Variants in FNDC3B observed in about 807,000 individuals in gnomAD.
FNDC3B encodes the protein fibronectin type III domain containing 3B, also known as fibronectin type III domain-containing protein 3B.
A neutral mutation model predicts 151.5 loss-of-function variants in FNDC3B; 12 were observed. The observed-to-expected ratio is 0.08, with a 90% CI of 0.05 to 0.13. The LOEUF (loss-of-function observed/expected upper bound fraction) is 0.13. Ranked by LOEUF, FNDC3B falls within the 10% of genes least tolerant of loss-of-function variation. FNDC3B has a pLI of 1.00. For missense variants in FNDC3B, 1,214 were observed against 1,505.3 expected (o/e 0.81, Z 3.20); for synonymous variants, 528 against 549.0 (o/e 0.96, Z 0.54).
Position 172,247,790 on chromosome 3 carries a change from C to T in FNDC3B, c.508+14C>T, listed in dbSNP as rs561576644. On this transcript the variant is annotated intron_variant, in intron 5 of 25. Transcript: ENST00000415807. ...ATGGTGAGCAAGGTGAGTAGATTTTCGTTGGCGTCAGGAGCCGTTGAAACT... is the reference window on the plus strand; with the variant it reads ...ATGGTGAGCAAGGTGAGTAGATTTTTGTTGGCGTCAGGAGCCGTTGAAACT... 9.3e-6 allele frequency: 15 copies of T among 1,613,914 alleles called. No individual in the cohort carries two copies. The highest frequency in any genetic ancestry group is 6.7e-5 in the East Asian group (3 of 44,874).
chr3:172,348,606 G>A (rs187950381), intron 21 of FNDC3B, among the ~76,000 whole-genome samples: 6 of 152,142 alleles, frequency 3.9e-5, no homozygotes, highest in Admixed American at 6.5e-5. Context: ...CTCCATTATG[G>A]TTTTTGAGTT....
At chr3:172,177,366 C>A (rs1230136188) in intron 3 of FNDC3B, among the ~76,000 whole-genome samples, 1 of 152,154 alleles carries the variant, frequency 6.6e-6, no homozygotes, top group Non-Finnish European at 1.5e-5. Flanking sequence ...GTTAGAGCTG[C>A]TTAGATAGAA....
At chr3:172,348,641 A>AT (rs1285751340) in intron 21 of FNDC3B, among the ~76,000 whole-genome samples, 1 of 152,194 alleles carries the variant, frequency 6.6e-6, no homozygotes, top group Non-Finnish European at 1.5e-5. Context: ...AAATGTTATT[A>AT]TATCTCCTTC....
At chr3:172,139,193 G>A (rs1298671389) in intron 3 of FNDC3B, among the ~76,000 whole-genome samples, 1 of 150,564 alleles carries the variant, frequency 6.6e-6, no homozygotes, top group African/African-American at 2.5e-5. Context: ...TTCCTTATAT[G>A]ATACTTTAAG....
chr3:172,086,398 A>G (rs1159505045), intron 1 of FNDC3B, among the ~76,000 whole-genome samples: 1 of 152,152 alleles, frequency 6.6e-6, no homozygotes, highest in African/African-American at 2.4e-5. Context: ...TAATATAAAG[A>G]ACAAATGGCA....
At chr3:172,258,197 C>T (rs921333839) in intron 6 of FNDC3B, among the ~76,000 whole-genome samples, 9 of 152,108 alleles carry the variant, frequency 5.9e-5, no homozygotes, top group Non-Finnish European at 1.0e-4. Flanking sequence ...GGCATTTGAC[C>T]TTTGGAATTG....
At chr3:172,363,104 GGAGA>G (rs151136981) in intron 23 of FNDC3B, among the ~76,000 whole-genome samples, 8,045 of 152,070 alleles carry the variant, frequency 0.053, 303 homozygotes, top group Middle Eastern at 0.085. Context: ...GCCAGATAAT[GGAGA>G]GAAAGTATCT....
chr3:172,386,024 A>G (rs1287957614), intron 25 of FNDC3B, among the ~76,000 whole-genome samples: 6 of 152,360 alleles, frequency 3.9e-5, no homozygotes, highest in East Asian at 1.9e-4. Flanking sequence ...TTATTAAACA[A>G]TCTATTAACT....
intron 3 of FNDC3B, among the ~76,000 whole-genome samples, chr3:172,180,197 C>T (rs1723818560): frequency 6.6e-6 from 1 of 152,176 alleles, no homozygotes; most frequent in Non-Finnish European, 1.5e-5. Context: ...AGCCATGCTT[C>T]TGCTGTCCTT....
Position 172,327,363 on chromosome 3 carries a change from T to A in FNDC3B, c.1255-1589T>A, listed in dbSNP as rs564797769. Among the ~76,000 whole-genome samples the A allele has an allele frequency of 2.1e-3, 322 of 152,172 alleles. 5 individuals carry two copies. The highest frequency in any genetic ancestry group is 0.01 in the Middle Eastern group (3 of 294). On this transcript the variant is annotated intron_variant, in intron 11 of 25. Coordinates refer to ENST00000415807, the MANE Select transcript of FNDC3B (RefSeq NM_022763.4). The stretch of plus-strand genomic sequence containing the variant: ...CTCTAGGAGGTGGGTGGGGAAGGGG[T>A]TCCTTTGAGGAGGATGAATGTGGTG...
intron 11 of FNDC3B, chr3:172,316,419 A>G (rs777743945): frequency 5.1e-5 from 22 of 435,372 alleles, no homozygotes; most frequent in Middle Eastern, 3.3e-4. Context: ...GGCTTTTAGG[A>G]AAAAAAAAAC....
intron 3 of FNDC3B, among the ~76,000 whole-genome samples, chr3:172,189,847 C>A (rs915454421): frequency 4.2e-5 from 6 of 141,414 alleles, no homozygotes; most frequent in African/African-American, 1.6e-4. Flanking sequence ...GTCATTCAGT[C>A]ATGTTTTTAT....
chr3:172,084,404 T>G (rs997497484), intron 1 of FNDC3B, among the ~76,000 whole-genome samples: 97 of 133,470 alleles, frequency 7.3e-4, no homozygotes, highest in African/African-American at 2.6e-3. Context: ...TGAGCTGAGA[T>G]GGTGCCACTG....
chr3:172,400,553 A>G lies in FNDC3B; in HGVS notation c.*3078A>G, dbSNP rs947010688. 1.3e-5 allele frequency: 2 copies of G among 152,634 alleles called. No individual in the cohort carries two copies. The highest frequency in any genetic ancestry group is 4.8e-5 in the African/African-American group (2 of 41,456). 9.5% of individuals were successfully genotyped at this position (152,634 alleles called of 1,614,324 possible). On this transcript the variant is annotated 3_prime_UTR_variant, in exon 26 of 26. Transcript: ENST00000415807. The stretch of plus-strand genomic sequence containing the variant: ...TGTTTTCCTGTATTGTAAATTTTAG[A>G]CTATTTCATATACATTGTATTAAAA...
intron 1 of FNDC3B, among the ~76,000 whole-genome samples, chr3:172,055,027 T>A (rs1227978584): frequency 6.6e-6 from 1 of 152,226 alleles, no homozygotes; most frequent in Admixed American, 6.5e-5. Flanking sequence ...TAAAATTGCT[T>A]GGACTCTCTT....
At chr3:172,056,577 C>G (rs1716929510) in intron 1 of FNDC3B, among the ~76,000 whole-genome samples, 1 of 152,222 alleles carries the variant, frequency 6.6e-6, no homozygotes, top group Non-Finnish European at 1.5e-5. Flanking sequence ...ATTGCCCAGT[C>G]TCTCAGTGTC....
chr3:172,124,946 C>T (rs532295273), intron 2 of FNDC3B, among the ~76,000 whole-genome samples: 53 of 152,192 alleles, frequency 3.5e-4, no homozygotes, highest in African/African-American at 1.1e-3. Flanking sequence ...AAACCCGAGG[C>T]GAGAAAGGTT....
chr3:172,074,447 G>C (rs1237307648), intron 1 of FNDC3B, among the ~76,000 whole-genome samples: 1 of 152,138 alleles, frequency 6.6e-6, no homozygotes, highest in Admixed American at 6.6e-5. Flanking sequence ...ATTAGCACAA[G>C]GTTAAAACTT....
At chr3:172,308,509 T>C (rs1481684853) in intron 10 of FNDC3B, among the ~76,000 whole-genome samples, 1 of 152,168 alleles carries the variant, frequency 6.6e-6, no homozygotes, top group Non-Finnish European at 1.5e-5. Context: ...TGAAGAAATA[T>C]TTTATCTTTT....
Sources: gnomAD v4.1 joint callset for allele counts (sites outside exome capture counted in the v4.1 genomes callset) on GRCh38, gnomAD v4.1.1 for gene constraint, MANE v1.5 for transcripts, NCBI Gene and HGNC (gene_info 2026-07-23, HGNC 2026-07-21) for gene names.